RGPD4: variants seen among roughly 807,000 people sequenced by gnomAD.
RGPD4 encodes the protein ranBP2-like and GRIP domain-containing protein 4.
Under a neutral mutation model 141.1 loss-of-function variants are expected in RGPD4, and 84 were observed. The observed-to-expected ratio is 0.60, with a 90% CI of 0.50 to 0.71. The LOEUF is 0.71. Among genes scored for constraint, RGPD4 ranks in the 30% least tolerant of loss-of-function variants. The pLI is 0.00. For synonymous variants in RGPD4, 298 were observed against 566.8 expected, an observed-to-expected ratio of 0.53 and a Z score of 6.74; for missense variants, 918 against 1,622.4, an observed-to-expected ratio of 0.57 and a Z score of 7.46.
At position 107,829,774 on chromosome 2, in the gene RGPD4, C is replaced by G. The variant is rs567224584; in HGVS notation, c.72+2689C>G. Among the ~76,000 whole-genome samples, 5 of 152,164 alleles carry G rather than the reference C, an allele frequency of 3.3e-5. 1 individual carries two copies. The South Asian group carries it at 6.2e-4, about 19-fold the overall frequency. ...ACGCTTGTTCCCGACGGTGCTCGCT[C>G]CTGGGCCCGTCCTGGCCCGGGCTTT... On this transcript the variant is annotated intron_variant, in intron 1 of 22. Transcript: ENST00000408999.
Position 107,882,843 on chromosome 2 carries a change from G to A in RGPD4, c.5236G>A (p.Glu1746Lys), listed in dbSNP as rs765264036. The change falls in exon 22 of 23, where the codon GAA (glutamate) becomes AAA (lysine). Residue 1746 changes from glutamate to lysine, a missense_variant. Glu to Lys is a moderately conservative substitution (Grantham distance 56). Coordinates refer to ENST00000408999, the MANE Select transcript of RGPD4 (RefSeq NM_182588.3). ...INTMLQLSPE[E>K]KGKLAAVAQG... ...TACGATGTTGCAGCTCAGCCCTGAA[G>A]AAAAGGGAAAACTTGCTGCGGTTGC... 12 of 1,609,816 alleles carry A rather than the reference G, an allele frequency of 7.5e-6. No homozygotes were observed. In the East Asian group the frequency reaches 2.2e-4, roughly 30 times the overall value.
intron 20 of RGPD4, among the ~76,000 whole-genome samples, chr2:107,875,667 A>G (rs1408476945): frequency 1.5e-5 from 2 of 137,892 alleles, no homozygotes; most frequent in Non-Finnish European, 3.1e-5. Flanking sequence ...TTTCAGCCAT[A>G]TGAATGGTCT....
chr2:107,840,034 AG>A (rs1290195246), intron 4 of RGPD4, among the ~76,000 whole-genome samples: 3 of 134,666 alleles, frequency 2.2e-5, no homozygotes, highest in Non-Finnish European at 3.2e-5. Context: ...ACCCGCCCAA[AG>A]CACAATATCA....
At chr2:107,828,848 GCTCAGGCGTCATGGCTCCCGA>G (rs1309301869) in intron 1 of RGPD4, among the ~76,000 whole-genome samples, 3 of 12,324 alleles carry the variant, frequency 2.4e-4, no homozygotes, top group African/African-American at 1.6e-3. Flanking sequence ...GGCCTCGATG[GCTCAGGCGTCATGGCTCCCGA>G]CCGGCGCTGC....
At chr2:107,828,585 C>T (rs1354699980) in intron 1 of RGPD4, among the ~76,000 whole-genome samples, 1 of 120,812 alleles carries the variant, frequency 8.3e-6, no homozygotes, top group Non-Finnish European at 1.7e-5. Flanking sequence ...GTTGAGGCAG[C>T]GGCCTCGACC....
At chr2:107,845,572 G>A (rs1293479361) in intron 6 of RGPD4, among the ~76,000 whole-genome samples, 17 of 152,098 alleles carry the variant, frequency 1.1e-4, no homozygotes, top group African/African-American at 4.1e-4. Flanking sequence ...TCACAGTGTG[G>A]CTTAGGGCTG....
At chr2:107,857,484 G>T (rs1682365720) in intron 9 of RGPD4, among the ~76,000 whole-genome samples, 1 of 150,116 alleles carries the variant, frequency 6.7e-6, no homozygotes, top group South Asian at 2.1e-4. Context: ...CTGGGCTGGA[G>T]TGTAGTGGCG....
intron 20 of RGPD4, among the ~76,000 whole-genome samples, chr2:107,873,862 TC>T (rs1683014108): frequency 6.7e-6 from 1 of 149,806 alleles, no homozygotes; most frequent in Non-Finnish European, 1.5e-5. Context: ...TAGCACCCCT[TC>T]CTCACAGCCT....
intron 1 of RGPD4, among the ~76,000 whole-genome samples, chr2:107,829,904 C>A (rs918077007): frequency 6.6e-6 from 1 of 151,898 alleles, no homozygotes; most frequent in Non-Finnish European, 1.5e-5. Flanking sequence ...TTATATGCTG[C>A]GGCGGAGGTC....
intron 9 of RGPD4, among the ~76,000 whole-genome samples, chr2:107,858,311 G>A (rs993303695): frequency 5.3e-5 from 8 of 152,088 alleles, no homozygotes; most frequent in Admixed American, 1.3e-4. Flanking sequence ...TAATTACTGA[G>A]ACAAAGGACA....
At chr2:107,881,448 G>C (rs1240575828) in intron 21 of RGPD4, among the ~76,000 whole-genome samples, 1 of 151,724 alleles carries the variant, frequency 6.6e-6, no homozygotes, top group East Asian at 1.9e-4. Flanking sequence ...CTCCCGAGTA[G>C]CTGAGACTGC....
rs200474679 is a variant in RGPD4 at position 107,880,053 on chromosome 2, C to A, written c.5010C>A (p.Asn1670Lys). 57 of 1,611,234 alleles carry A rather than the reference C, an allele frequency of 3.5e-5. No homozygotes were observed. The highest frequency in any genetic ancestry group is 4.5e-5 in the Non-Finnish European group (53 of 1,179,850). ...SSTTKSADHL[N>K]GLLREAEATS... ...CCACAAAAAGTGCAGATCACTTAAA[C>A]GGCCTGCTTCGGGAAGCAGAGGCAA... is the stretch of plus-strand genomic sequence containing the variant. Residue 1670 changes from asparagine to lysine, a missense_variant, in exon 21 of 23, where the codon AAC (asparagine) becomes AAA (lysine). Physicochemically the swap from Asn to Lys is moderately conservative, Grantham distance 94 (BLOSUM62 0). Transcript: ENST00000408999.
At chr2:107,880,259 CTTTT>C (rs58305715) in intron 21 of RGPD4, among the ~76,000 whole-genome samples, 152 bp downstream of exon 21, 2 of 48,182 alleles carry the variant, frequency 4.2e-5, no homozygotes, top group African/African-American at 9.9e-5. Context: ...GAAATATTGC[CTTTT>C]TTTTTTTTTT....
chr2:107,845,037 G>C (rs888585681), intron 6 of RGPD4, among the ~76,000 whole-genome samples: 2 of 141,136 alleles, frequency 1.4e-5, no homozygotes, highest in African/African-American at 2.7e-5. Context: ...GGTTCAGGAT[G>C]GTCTCAATCT....
chr2:107,884,077 A>C (rs904524018), intron 22 of RGPD4, among the ~76,000 whole-genome samples: 1 of 151,336 alleles, frequency 6.6e-6, no homozygotes, highest in Non-Finnish European at 1.5e-5. Context: ...CATATATTGC[A>C]TTTGGTTGAT....
At chr2:107,886,332 ATAAGAG>A in intron 22 of RGPD4, among the ~76,000 whole-genome samples, 1 of 108,294 alleles carries the variant, frequency 9.2e-6, no homozygotes, top group Admixed American at 9.1e-5. Flanking sequence ...TTCTAGTCAC[ATAAGAG>A]TAAAACTGCC....
chr2:107,885,633 T>C (rs560528567), intron 22 of RGPD4, among the ~76,000 whole-genome samples: 1 of 152,288 alleles, frequency 6.6e-6, no homozygotes, highest in East Asian at 1.9e-4. Flanking sequence ...TTTAAATTAG[T>C]TTGCCCTTTA....
rs1352216308 is a variant in RGPD4, at chr2:107,879,250, AT to A, written c.4925-713del. ...ATTCCTCTTGATGAAGTAATGCTAA[AT>A]TTTTGTAGTGATGTTTTGGTATATT... is the stretch of plus-strand genomic sequence containing the variant. On this transcript the variant is annotated intron_variant, in intron 20 of 22. Coordinates refer to ENST00000408999, the MANE Select transcript of RGPD4 (RefSeq NM_182588.3). Among the ~76,000 whole-genome samples, 8 of 86,940 alleles carry A rather than the reference AT, an allele frequency of 9.2e-5. No individual in the cohort carries two copies. The Admixed American group carries it at 9.5e-4, about 10-fold the overall frequency. The allele number at this position is 86,940 out of a possible 152,430, so 57.0% of individuals were successfully genotyped here.
intron 9 of RGPD4, among the ~76,000 whole-genome samples, chr2:107,857,872 G>A (rs1364936916): frequency 4.6e-5 from 7 of 151,858 alleles, no homozygotes; most frequent in Non-Finnish European, 5.9e-5. Flanking sequence ...TGTGCCTGTA[G>A]TCCCTACTCA....
Sources: allele counts gnomAD v4.1 joint callset (sites outside exome capture counted in the v4.1 genomes callset), GRCh38; gene constraint gnomAD v4.1.1; transcripts MANE v1.5; gene names NCBI Gene and HGNC (gene_info 2026-07-23, HGNC 2026-07-21).